THADA: variants seen among roughly 807,000 people sequenced by gnomAD.
THADA encodes tRNA (32-2'-O)-methyltransferase regulator THADA.
Under a neutral mutation model 219.8 loss-of-function variants are expected in THADA, and 213 were observed. That is an observed-to-expected ratio of 0.97 (90% confidence interval 0.87 to 1.09). The LOEUF (loss-of-function observed/expected upper bound fraction) is 1.09. THADA is among the 50% of genes least tolerant of loss of function. The pLI, the probability that THADA is intolerant of heterozygous loss-of-function variation, is 0.00. For missense variants in THADA, 2,956 were observed against 2,311.3 expected (o/e 1.28, Z -5.72); for synonymous variants, 1,018 against 828.9 (o/e 1.23, Z -3.92).
chr2:43,569,450 G>A (rs1257594077), intron 14 of THADA, among the ~76,000 whole-genome samples: 5 of 152,144 alleles, frequency 3.3e-5, no homozygotes, highest in Non-Finnish European at 7.3e-5. Flanking sequence ...CGAGACTCAA[G>A]TCAGCCAACT....
At chr2:43,485,890 G>T (rs1311445123) in intron 25 of THADA, among the ~76,000 whole-genome samples, 1 of 151,502 alleles carries the variant, frequency 6.6e-6, no homozygotes, top group Non-Finnish European at 1.5e-5. Flanking sequence ...TATTTTTTTA[G>T]AGATTTTTTT....
intron 26 of THADA, among the ~76,000 whole-genome samples, chr2:43,467,100 T>C (rs1684335638): frequency 7.2e-6 from 1 of 138,040 alleles, no homozygotes; most frequent in African/African-American, 2.7e-5. Context: ...GAGAATGGCG[T>C]GAACCCGGGA....
intron 21 of THADA, among the ~76,000 whole-genome samples, chr2:43,531,614 C>T (rs911987694): frequency 2.0e-5 from 3 of 152,132 alleles, no homozygotes; most frequent in Non-Finnish European, 2.9e-5. Context: ...TTAACTCAAA[C>T]CACTTACAAA....
At chr2:43,298,968 G>A (rs533216714) in intron 31 of THADA, among the ~76,000 whole-genome samples, 4 of 152,212 alleles carry the variant, frequency 2.6e-5, no homozygotes, top group South Asian at 4.1e-4. Context: ...CTCTAAGATC[G>A]GAAACTTTTT....
chr2:43,538,492 C>T lies in THADA; in HGVS notation c.3264+2667G>A, dbSNP rs563751544. The T allele has an allele frequency of 3.3e-5, 5 of 152,334 alleles. No homozygotes were observed. In the East Asian group the frequency reaches 9.6e-4, roughly 29 times the overall value. 9.4% of individuals were successfully genotyped at this position (152,334 alleles called of 1,614,324 possible). The stretch of plus-strand genomic sequence containing the variant: ...ACAGCACACTGCTTCACAGGAAGTG[C>T]TCTAGGGAATCAATCATTTAAGAAA... On this transcript the variant is annotated intron_variant, in intron 21 of 37. Coordinates refer to ENST00000405975, the MANE Select transcript of THADA (RefSeq NM_022065.5).
intron 29 of THADA, among the ~76,000 whole-genome samples, chr2:43,389,274 T>A (rs987849068): frequency 6.6e-6 from 1 of 152,194 alleles, no homozygotes; most frequent in Non-Finnish European, 1.5e-5. Context: ...TGTGTACTTA[T>A]TAACTTAGAA....
chr2:43,315,452 CT>C (rs1006858512), intron 31 of THADA, among the ~76,000 whole-genome samples: 17 of 151,402 alleles, frequency 1.1e-4, no homozygotes, highest in African/African-American at 3.6e-4. Context: ...CAGTTACATT[CT>C]TTTTTTTTCT....
chr2:43,231,244 A>G lies in THADA; in HGVS notation c.5566T>C (p.Ser1856Pro). ...CTTGGGGGACGCCAGCCGGACTTTGAGAGGAGACAGAAGAGGTGCTTGCAG... is the reference window on the plus strand; with the variant it reads ...CTTGGGGGACGCCAGCCGGACTTTGGGAGGAGACAGAAGAGGTGCTTGCAG... ...YLCKHLFCLL[S>P]KSGWRPPSPE... The change falls in exon 38 of 38, where the codon TCA (serine) becomes CCA (proline). Residue 1856 changes from serine to proline, a missense_variant. Ser to Pro is a moderately conservative substitution (Grantham distance 74). Coordinates refer to ENST00000405975, the MANE Select transcript of THADA (RefSeq NM_022065.5). 1 of 1,613,708 alleles carries G rather than the reference A, an allele frequency of 6.2e-7. No individual in the cohort carries two copies.
Position 43,574,210 on chromosome 2 carries a change from A to G in THADA, c.1729+126T>C, listed in dbSNP as rs1268648718. The G allele has an allele frequency of 4.0e-6, 3 of 744,574 alleles. No individual in the cohort carries two copies. The African/African-American group carries it at 5.3e-5, about 13-fold the overall frequency. The allele number at this position is 744,574 out of a possible 1,614,324, so 46.1% of individuals were successfully genotyped here. Reference sequence around the variant, plus strand: ...TTCGTTTCAAACTGAAACATCTATCATTAATCTCTTCCTTTACTATTTATA... The same window carrying G: ...TTCGTTTCAAACTGAAACATCTATCGTTAATCTCTTCCTTTACTATTTATA... On this transcript the variant is annotated intron_variant, in intron 11 of 37. Transcript: ENST00000405975.
At chr2:43,277,187 A>AC (rs1236614503) in intron 36 of THADA, 1 of 152,228 alleles carries the variant, frequency 6.6e-6, no homozygotes, top group Non-Finnish European at 1.5e-5. Context: ...GTGCCTTCCC[A>AC]CCTCATTCCT....
At chr2:43,527,611 G>C (rs1693328455) in intron 22 of THADA, among the ~76,000 whole-genome samples, 1 of 150,448 alleles carries the variant, frequency 6.6e-6, no homozygotes, top group South Asian at 2.1e-4. Context: ...AAAAAAAACA[G>C]TAATTTCAAA....
chr2:43,513,903 A>T (rs987672660), intron 22 of THADA, among the ~76,000 whole-genome samples: 1 of 152,068 alleles, frequency 6.6e-6, no homozygotes, highest in African/African-American at 2.4e-5. Context: ...ACTTCTATTT[A>T]AGAAGAGTTA....
chr2:43,430,351 T>C, intron 26 of THADA, 49 bp from the exon 27 acceptor site: 2 of 1,079,334 alleles, frequency 1.9e-6, no homozygotes, highest in East Asian at 2.6e-5. Context: ...CCCTTTGATC[T>C]GACAATAAAG....
chr2:43,327,229 T>TG lies in THADA; in HGVS notation c.4344-6690dup, dbSNP rs113023566. Among the ~76,000 whole-genome samples, 214 of 152,230 alleles carry TG rather than the reference T, an allele frequency of 1.4e-3. 2 individuals are homozygous for TG. The highest frequency in any genetic ancestry group is 4.8e-3 in the African/African-American group (200 of 41,534). On this transcript the variant is annotated intron_variant, in intron 30 of 37. Transcript: ENST00000405975. Reference sequence around the variant, plus strand: ...GCTGGCAGGCTCATCCCAGCCCATCTGGGGTAGTTCTCTTATCTTAGCTCC... The same window carrying TG: ...GCTGGCAGGCTCATCCCAGCCCATCTGGGGGTAGTTCTCTTATCTTAGCTCC...
chr2:43,308,872 TAGA>T (rs1011269603), intron 31 of THADA, among the ~76,000 whole-genome samples: 2 of 151,808 alleles, frequency 1.3e-5, no homozygotes, highest in Non-Finnish European at 2.9e-5. Flanking sequence ...TACAAAACTT[TAGA>T]AGAAGTTTTG....
At position 43,578,467 on chromosome 2, in the gene THADA, C is replaced by T. The variant is rs781189341; in HGVS notation, c.816+46G>A. ...AAGCCAAAATTATTTTTTAAACATA[C>T]CCTAACTCTCAATAAAGTACAATTC... On this transcript the variant is annotated intron_variant, in intron 9 of 37. Transcript: ENST00000405975. 16 of 1,487,898 alleles carry T rather than the reference C, an allele frequency of 1.1e-5. No homozygotes were observed. In the South Asian group the frequency reaches 1.5e-4, roughly 14 times the overall value. 92.2% of individuals were successfully genotyped at this position (1,487,898 alleles called of 1,614,324 possible).
At chr2:43,241,191 T>C (rs1035079191) in intron 36 of THADA, among the ~76,000 whole-genome samples, 2 of 152,072 alleles carry the variant, frequency 1.3e-5, no homozygotes, top group Admixed American at 6.5e-5. Flanking sequence ...CAGGCTCAAG[T>C]GGTCCTCCCA....
chr2:43,242,843 G>C (rs1159870886), intron 36 of THADA, among the ~76,000 whole-genome samples: 1 of 152,140 alleles, frequency 6.6e-6, no homozygotes, highest in African/African-American at 2.4e-5. Flanking sequence ...CTGAATACAT[G>C]GATGGATGGA....
intron 26 of THADA, among the ~76,000 whole-genome samples, chr2:43,465,320 A>G (rs1311548646): frequency 6.6e-6 from 1 of 152,228 alleles, no homozygotes; most frequent in Non-Finnish European, 1.5e-5. Context: ...TTATTTCTCC[A>G]GTTACATTTA....
Sources: allele counts gnomAD v4.1 joint callset (sites outside exome capture counted in the v4.1 genomes callset), GRCh38; gene constraint gnomAD v4.1.1; transcripts MANE v1.5; gene names NCBI Gene and HGNC (gene_info 2026-07-23, HGNC 2026-07-21).